The following USP33 variants were observed in gnomAD, a reference collection of about 807,000 sequenced individuals.
USP33 encodes ubiquitin carboxyl-terminal hydrolase 33.
USP33 carries 46 observed loss-of-function variants against 124.2 expected under a neutral mutation model. The ratio of observed to expected loss-of-function variants is 0.37; its 90% CI spans 0.29 to 0.47. The LOEUF is 0.47. USP33 is among the 20% of genes least tolerant of loss of function. USP33 has a pLI of 0.99. For missense variants in USP33, 851 were observed against 1,070.6 expected (o/e 0.79, Z 2.86); for synonymous variants, 350 against 352.3 (o/e 0.99, Z 0.07).
At chr1:77,710,626 A>C (rs967426299) in intron 21 of USP33, among the ~76,000 whole-genome samples, 1 of 152,210 alleles carries the variant, frequency 6.6e-6, no homozygotes, top group Non-Finnish European at 1.5e-5. Flanking sequence ...AAAAGCCCTG[A>C]ATCAATGAGG....
chr1:77,719,309 A>C (rs1570772224), intron 15 of USP33, among the ~76,000 whole-genome samples: 1 of 152,214 alleles, frequency 6.6e-6, no homozygotes, highest in Non-Finnish European at 1.5e-5. Context: ...CAGTGAGTCA[A>C]TATCGTGCCA....
intron 21 of USP33, among the ~76,000 whole-genome samples, chr1:77,702,841 G>A (rs1370718258): frequency 6.6e-6 from 1 of 151,910 alleles, no homozygotes; most frequent in Non-Finnish European, 1.5e-5. Flanking sequence ...GATATAGAAA[G>A]AGAAGCACAA....
At chr1:77,721,497 T>C (rs1676556710) in intron 14 of USP33, 2 of 514,336 alleles carry the variant, frequency 3.9e-6, no homozygotes, top group South Asian at 2.5e-5. Context: ...AAATAGTGAA[T>C]GACCTTAAAT....
At chr1:77,719,006 T>C (rs966539637) in intron 15 of USP33, among the ~76,000 whole-genome samples, 2 of 151,562 alleles carry the variant, frequency 1.3e-5, no homozygotes, top group African/African-American at 4.9e-5. Flanking sequence ...TGCCACTGAA[T>C]TACGTTACAT....
At chr1:77,753,398 G>A (rs1043590314) in intron 1 of USP33, among the ~76,000 whole-genome samples, 20 of 151,714 alleles carry the variant, frequency 1.3e-4, no homozygotes, top group Admixed American at 5.3e-4. Context: ...GACCAGCCTA[G>A]GCAACAGAGT....
chr1:77,700,827 A>T (rs2101162712), intron 22 of USP33, among the ~76,000 whole-genome samples: 1 of 151,336 alleles, frequency 6.6e-6, no homozygotes, highest in South Asian at 2.1e-4. Flanking sequence ...CAGCCTCCTG[A>T]GTAGCTGGGA....
At chr1:77,736,481 G>A (rs1208170932) in intron 5 of USP33, among the ~76,000 whole-genome samples, 8 of 152,092 alleles carry the variant, frequency 5.3e-5, no homozygotes, top group African/African-American at 1.4e-4. Flanking sequence ...AAAGATCTCC[G>A]AAGGATACTA....
At chr1:77,701,326 AC>A (rs758717907) in intron 22 of USP33, 42 bp downstream of exon 22, 7 of 1,402,790 alleles carry the variant, frequency 5.0e-6, no homozygotes, top group South Asian at 2.4e-5. Context: ...AAACAAAAAA[AC>A]AAATAATTTA....
At chr1:77,699,595 G>A (rs1371462509) in intron 22 of USP33, among the ~76,000 whole-genome samples, 1 of 152,156 alleles carries the variant, frequency 6.6e-6, no homozygotes, top group African/African-American at 2.4e-5. Flanking sequence ...CTGTTGGTGG[G>A]AATGTAAATT....
In USP33 at chr1:77,744,715, C is replaced by CCT. The variant is rs532127749; in HGVS notation, c.-51-2968_-51-2967insAG. The stretch of plus-strand genomic sequence containing the variant: ...AAAAAATCATCCAGGCATGGTGGCA[C>CCT]GTGCCTATAGTCCCACCTACTCACG... On this transcript the variant is annotated intron_variant, in intron 1 of 23. Coordinates refer to ENST00000370794, the MANE Select transcript of USP33 (RefSeq NM_201624.3). Among the ~76,000 whole-genome samples, 47 of 152,100 alleles carry CCT rather than the reference C, an allele frequency of 3.1e-4. 2 individuals carry two copies. The highest frequency in any genetic ancestry group is 2.8e-3 in the Admixed American group (43 of 15,272).
At chr1:77,705,406 G>T (rs912213734) in intron 21 of USP33, among the ~76,000 whole-genome samples, 2 of 151,922 alleles carry the variant, frequency 1.3e-5, no homozygotes, top group African/African-American at 4.8e-5. Context: ...TGTTGGCCAG[G>T]CTGGTCTTGA....
chr1:77,700,407 G>A (rs938553043), intron 22 of USP33, among the ~76,000 whole-genome samples: 1 of 152,084 alleles, frequency 6.6e-6, no homozygotes, highest in African/African-American at 2.4e-5. Flanking sequence ...GAGTTCCTGG[G>A]CAACACTGTG....
intron 2 of USP33, 60 bp from the exon 3 acceptor site, chr1:77,741,489 C>A: frequency 6.5e-7 from 1 of 1,548,880 alleles, no homozygotes; most frequent in East Asian, 2.3e-5. Context: ...ATACAATTCA[C>A]TAATGCACTA....
chr1:77,721,781 T>C (rs1343484744), intron 14 of USP33, 50 bp downstream of exon 14: 4 of 1,495,382 alleles, frequency 2.7e-6, no homozygotes, highest in Non-Finnish European at 2.7e-6. Context: ...GTCCCACTAG[T>C]ATTTTAGATT....
At position 77,705,127 on chromosome 1, in the gene USP33, A is replaced by G. The variant is rs1004017114; in HGVS notation, c.2407-3656T>C. Among the ~76,000 whole-genome samples, 257 of 139,694 alleles carry G rather than the reference A, an allele frequency of 1.8e-3. 1 individual carries two copies. Among genetic ancestry groups the G allele is most frequent in the Middle Eastern group, 7.4e-3 (2 of 270 alleles). The allele number at this position is 139,694 out of a possible 152,430, so 91.6% of individuals were successfully genotyped here. A position where few individuals can be genotyped will look rare whatever the true frequency, so the allele number is the denominator to read the frequency against. On this transcript the variant is annotated intron_variant, in intron 21 of 23. Coordinates refer to ENST00000370794, the MANE Select transcript of USP33 (RefSeq NM_201624.3). The stretch of plus-strand genomic sequence containing the variant: ...CACAAATGCTTTGTTTAAAAAAAAA[A>G]GGGGGGGGGCTGAATAAAACAAAAA...
intron 1 of USP33, 25 bp from the exon 2 acceptor site, chr1:77,741,773 A>G (rs775036076): frequency 1.3e-6 from 2 of 1,532,634 alleles, no homozygotes; most frequent in East Asian, 4.6e-5. Context: ...ACACACACAA[A>G]AAAATTAATA....
At chr1:77,734,245 G>T in intron 7 of USP33, 102 bp downstream of exon 7, 1 of 861,886 alleles carries the variant, frequency 1.2e-6, no homozygotes, top group Non-Finnish European at 1.8e-6. Context: ...ATTCTTGCCT[G>T]TTCTACCTTG....
At chr1:77,721,253 G>T (rs1337270346) in intron 14 of USP33, 48 bp from the exon 15 acceptor site, 2 of 1,600,424 alleles carry the variant, frequency 1.2e-6, no homozygotes, top group Non-Finnish European at 1.7e-6. Context: ...ACAGCAAATT[G>T]CTTATTATGG....
chr1:77,742,748 T>A (rs796347447), intron 1 of USP33, among the ~76,000 whole-genome samples: 13 of 152,260 alleles, frequency 8.5e-5, no homozygotes, highest in African/African-American at 3.1e-4. Context: ...CTTGCTAGGA[T>A]AGAATGAAAC....
Sources: gnomAD v4.1 joint callset for allele counts (sites outside exome capture counted in the v4.1 genomes callset) on GRCh38, gnomAD v4.1.1 for gene constraint, MANE v1.5 for transcripts, NCBI Gene and HGNC (gene_info 2026-07-23, HGNC 2026-07-21) for gene names.